The following APOLD1 variants were observed in gnomAD, a reference collection of about 807,000 sequenced individuals.
The protein encoded by APOLD1 is apolipoprotein L domain-containing protein 1.
In APOLD1, 22 loss-of-function variants were observed where a neutral mutation model predicts 15.3. That is an observed-to-expected ratio of 1.44 (90% CI 1.03 to 2.05). The LOEUF (loss-of-function observed/expected upper bound fraction) is 2.05. Among genes scored for constraint, APOLD1 ranks in the 30% most tolerant of loss-of-function variants. The pLI is 0.00. For synonymous variants in APOLD1, 190 were observed against 167.4 expected (o/e 1.13, Z -1.04); for missense variants, 394 against 353.5 (o/e 1.11, Z -0.92).
At chr12:12,743,216 C>A (rs982505464) in intron 1 of APOLD1, among the ~76,000 whole-genome samples, 1 of 152,152 alleles carries the variant, frequency 6.6e-6, no homozygotes, top group South Asian at 2.1e-4. Context: ...ATTAAAAGGT[C>A]ATTTTATTTG....
chr12:12,744,540 C>T (rs186570676), intron 1 of APOLD1, among the ~76,000 whole-genome samples: 9 of 152,186 alleles, frequency 5.9e-5, no homozygotes, highest in South Asian at 2.1e-4. Flanking sequence ...ACCTGGGAGG[C>T]GGAGGTTGCA....
exon 1 of APOLD1, chr12:12,726,071 G>A: frequency 6.6e-7 from 1 of 1,504,712 alleles, no homozygotes; most frequent in Non-Finnish European, 8.9e-7. Context: ...GCCTGGCGAG[G>A]ATGCACCTTC....
intron 1 of APOLD1, among the ~76,000 whole-genome samples, chr12:12,756,678 C>T (rs573561810): frequency 6.6e-6 from 1 of 152,234 alleles, no homozygotes; most frequent in African/African-American, 2.4e-5. Context: ...CTATTCTCTT[C>T]TCCCCTGTCC....
rs569727499 is a variant in APOLD1, at chr12:12,750,040, A to G, written c.96+23944A>G. Among the ~76,000 whole-genome samples, 6 of 152,190 alleles carry G rather than the reference A, an allele frequency of 3.9e-5. No individual in the cohort carries two copies. The East Asian group carries it at 9.7e-4, about 25-fold the overall frequency. ...AAAAGATCCCTGACTGTACCCCCAC[A>G]CTGAAATCCCTTCCGGTAGAGACAA... On this transcript the variant is annotated intron_variant, in intron 1 of 1. Transcript: ENST00000326765.
Position 12,762,864 on chromosome 12 carries a change from G to C in APOLD1, c.97-24045G>C, listed in dbSNP as rs532606173. Among the ~76,000 whole-genome samples, 14 of 152,170 alleles carry C rather than the reference G, an allele frequency of 9.2e-5. No individual in the cohort carries two copies. The East Asian group carries it at 2.7e-3, about 29-fold the overall frequency. ...GTATTTTTGGTTTTGAAATCAATTA[G>C]CCTGGGCGCCGTAGCTCACACCTGT... On this transcript the variant is annotated intron_variant, in intron 1 of 1. Coordinates refer to the APOLD1 transcript ENST00000326765.
In APOLD1 at chr12:12,725,942, G is replaced by T. The variant is rs1946587015; in HGVS notation, c.-59G>T. ...AGTGTGCAGGCAGGCGGGGGTGCGC[G>T]GGGCGGTCAGCGATCTGCAGCTTCG... is the stretch of plus-strand genomic sequence containing the variant. On this transcript the variant is annotated 5_prime_UTR_variant, in exon 1 of 2. Transcript: ENST00000326765. The T allele has an allele frequency of 7.4e-6, 10 of 1,357,326 alleles. No individual in the cohort carries two copies. The South Asian group carries it at 1.5e-4, about 20-fold the overall frequency. The allele number at this position is 1,357,326 out of a possible 1,614,324, so 84.1% of individuals were successfully genotyped here.
At chr12:12,774,542 A>G (rs1947013856) in intron 1 of APOLD1, among the ~76,000 whole-genome samples, 1 of 107,352 alleles carries the variant, frequency 9.3e-6, no homozygotes, top group Admixed American at 9.4e-5. Context: ...CGAGACTCTA[A>G]CTCCAAAAAA....
intron 1 of APOLD1, among the ~76,000 whole-genome samples, chr12:12,735,087 G>A (rs1420275169): frequency 6.6e-6 from 1 of 152,062 alleles, no homozygotes; most frequent in Non-Finnish European, 1.5e-5. Flanking sequence ...GAAAAGAAAA[G>A]GGCCTTTAAA....
At chr12:12,730,790 G>A (rs1018033337) in intron 1 of APOLD1, among the ~76,000 whole-genome samples, 5 of 147,390 alleles carry the variant, frequency 3.4e-5, no homozygotes, top group Non-Finnish European at 5.9e-5. Flanking sequence ...ATGGAATAAT[G>A]TATGTGTTGT....
intron 1 of APOLD1, among the ~76,000 whole-genome samples, chr12:12,777,286 A>T (rs1253346308): frequency 6.6e-6 from 1 of 152,140 alleles, no homozygotes; most frequent in Non-Finnish European, 1.5e-5. Flanking sequence ...CCCAGTGGTC[A>T]CTCCTGGAAC....
At chr12:12,783,746 G>C (rs1408593093), upstream of APOLD1, among the ~76,000 whole-genome samples, 2 of 149,874 alleles carry the variant, frequency 1.3e-5, no homozygotes, top group East Asian at 3.9e-4. Context: ...TGATCCTCCT[G>C]CCTCAGCGTC....
intron 1 of APOLD1, among the ~76,000 whole-genome samples, chr12:12,751,137 G>A (rs747124462): frequency 6.6e-6 from 1 of 151,904 alleles, no homozygotes; most frequent in Non-Finnish European, 1.5e-5. Context: ...CCTTATGTGA[G>A]CAAAATCGCC....
intron 1 of APOLD1, among the ~76,000 whole-genome samples, chr12:12,745,592 G>C (rs1456061616): frequency 6.6e-6 from 1 of 152,098 alleles, no homozygotes; most frequent in Non-Finnish European, 1.5e-5. Flanking sequence ...TTTGAGCAAA[G>C]AAAGAAACCC....
intron 1 of APOLD1, among the ~76,000 whole-genome samples, chr12:12,738,450 C>T (rs966781559): frequency 6.6e-6 from 1 of 152,086 alleles, no homozygotes; most frequent in African/African-American, 2.4e-5. Context: ...AAGCAGTCCT[C>T]CCAACTTAGC....
At chr12:12,734,785 C>T (rs942450464) in intron 1 of APOLD1, among the ~76,000 whole-genome samples, 2 of 152,172 alleles carry the variant, frequency 1.3e-5, no homozygotes, top group African/African-American at 4.8e-5. Context: ...CTTAGTAGTG[C>T]CAGATATTGC....
chr12:12,781,399 G>A (rs752279781), upstream of APOLD1, among the ~76,000 whole-genome samples: 10 of 152,234 alleles, frequency 6.6e-5, no homozygotes, highest in South Asian at 2.1e-4. Flanking sequence ...GGCTGAGATC[G>A]CGTCATTGCC....
chr12:12,762,965 G>C (rs1946912937), intron 1 of APOLD1, among the ~76,000 whole-genome samples: 1 of 152,014 alleles, frequency 6.6e-6, no homozygotes, highest in Non-Finnish European at 1.5e-5. Flanking sequence ...GGGCAACATA[G>C]TAAGACCCTG....
At chr12:12,750,475 T>C (rs1242162105) in intron 1 of APOLD1, among the ~76,000 whole-genome samples, 1 of 152,126 alleles carries the variant, frequency 6.6e-6, no homozygotes, top group Non-Finnish European at 1.5e-5. Context: ...AACTTCACTT[T>C]CTTTTATCTT....
intron 1 of APOLD1, among the ~76,000 whole-genome samples, chr12:12,766,548 A>G (rs1308959285): frequency 1.3e-5 from 2 of 152,210 alleles, no homozygotes; most frequent in Non-Finnish European, 2.9e-5. Flanking sequence ...AAACACTGAT[A>G]TAAAATCAGC....
Sources: allele counts gnomAD v4.1 joint callset (sites outside exome capture counted in the v4.1 genomes callset), GRCh38; gene constraint gnomAD v4.1.1; transcripts MANE v1.5; gene names NCBI Gene and HGNC (gene_info 2026-07-23, HGNC 2026-07-21).